The following FRMD4B variants were observed in gnomAD, a reference collection of about 807,000 sequenced individuals.
FRMD4B encodes FERM domain containing 4B.
Under a neutral mutation model 141.5 loss-of-function variants are expected in FRMD4B, and 74 were observed. The ratio of observed to expected loss-of-function variants is 0.52; its 90% CI spans 0.43 to 0.63. FRMD4B has a LOEUF of 0.63. Among genes scored for constraint, FRMD4B ranks in the 30% least tolerant of loss-of-function variants. FRMD4B has a pLI of 0.00. For synonymous variants in FRMD4B, 506 were observed against 467.9 expected, an observed-to-expected ratio of 1.08 and a Z score of -1.05; for missense variants, 1,366 against 1,253.4, an observed-to-expected ratio of 1.09 and a Z score of -1.36.
intron 1 of FRMD4B, among the ~76,000 whole-genome samples, chr3:69,520,214 T>C (rs1700833881): frequency 1.0e-5 from 1 of 97,948 alleles, no homozygotes. Context: ...GGAATATATA[T>C]ATATGATGGA....
intron 7 of FRMD4B, among the ~76,000 whole-genome samples, chr3:69,234,952 C>T (rs1373137964): frequency 6.6e-6 from 1 of 151,790 alleles, no homozygotes; most frequent in Admixed American, 6.6e-5. Context: ...AGTTCCAGAC[C>T]AGCCTGGCCA....
chr3:69,261,377 T>C (rs1036220400), intron 5 of FRMD4B, among the ~76,000 whole-genome samples: 32 of 152,220 alleles, frequency 2.1e-4, no homozygotes, highest in African/African-American at 7.2e-4. Context: ...CTGGACACAC[T>C]ATTATCTGAT....
At chr3:69,408,054 A>T (rs59228019) in intron 2 of FRMD4B, among the ~76,000 whole-genome samples, 386 of 152,320 alleles carry the variant, frequency 2.5e-3, no homozygotes, top group African/African-American at 9.0e-3. Flanking sequence ...GCAGTGGGAA[A>T]GCAGCCGAGA....
At chr3:69,397,692 G>A (rs1415112503) in intron 2 of FRMD4B, among the ~76,000 whole-genome samples, 1 of 152,152 alleles carries the variant, frequency 6.6e-6, no homozygotes, top group Non-Finnish European at 1.5e-5. Context: ...AATTAGATTA[G>A]TAGTTGCCTA....
chr3:69,296,804 T>C (rs1430688630), intron 4 of FRMD4B, among the ~76,000 whole-genome samples: 8 of 152,176 alleles, frequency 5.3e-5, no homozygotes, highest in Non-Finnish European at 1.2e-4. Flanking sequence ...CCTTTCTTCC[T>C]CTTATCGCTT....
chr3:69,472,595 T>G (rs374690255), intron 1 of FRMD4B: 11 of 200,602 alleles, frequency 5.5e-5, no homozygotes, highest in Admixed American at 1.8e-4. Context: ...CACCACAATG[T>G]AGCAGTGTCT....
At chr3:69,242,724 T>TCA (rs138289159) in intron 7 of FRMD4B, among the ~76,000 whole-genome samples, 4,888 of 148,978 alleles carry the variant, frequency 0.033, 289 homozygotes, top group African/African-American at 0.12. Context: ...GGCTCGTTGC[T>TCA]CACCTGTAAT....
intron 1 of FRMD4B, among the ~76,000 whole-genome samples, chr3:69,350,846 G>A (rs1258437682): frequency 1.5e-5 from 2 of 129,432 alleles, no homozygotes; most frequent in African/African-American, 2.9e-5. Flanking sequence ...AGGGGGGAGG[G>A]GGGAGGGATA....
rs1016103352 is a variant in FRMD4B, at chr3:69,321,185, G to A, written c.163-7668C>T. 3.9e-5 allele frequency among the ~76,000 whole-genome samples: 6 copies of A among 152,224 alleles called. No homozygotes were observed. In the South Asian group the frequency reaches 1.0e-3, roughly 26 times the overall value. On this transcript the variant is annotated intron_variant, in intron 1 of 22. Coordinates refer to ENST00000398540, the MANE Select transcript of FRMD4B (RefSeq NM_015123.3). ...GAGTGGGTTGGTAAGAAACCAAAAG[G>A]CAATTCAAGACAGGGCAGTATGGAA...
Position 69,169,128 on chromosome 3 carries a change from T to C in FRMD4B, c.*2733A>G, listed in dbSNP as rs1051874291. ...ATTATATCTGAGAGTGTTCGGCTAA[T>C]GGGCACGATTATGTTTTTGTTATGT... is the stretch of plus-strand genomic sequence containing the variant. On this transcript the variant is annotated 3_prime_UTR_variant, in exon 23 of 23. Transcript: ENST00000398540. 1.3e-5 allele frequency among the ~76,000 whole-genome samples: 2 copies of C among 152,138 alleles called. No homozygotes were observed. Among genetic ancestry groups the C allele is most frequent in the African/African-American group, 2.4e-5 (1 of 41,426 alleles).
At chr3:69,205,059 C>CAAAAAAAAAAAA (rs33955997) in intron 11 of FRMD4B, among the ~76,000 whole-genome samples, 10,975 of 122,798 alleles carry the variant, frequency 0.089, 577 homozygotes, top group East Asian at 0.25. Context: ...ATGTTTTTAA[C>CAAAAAAAAAAAA]AAAAAAAAAA....
At position 69,386,051 on chromosome 3, in the gene FRMD4B, C is replaced by G; in HGVS notation, c.-62G>C. The G allele has an allele frequency of 7.4e-7, 1 of 1,344,840 alleles. No homozygotes were observed. Among genetic ancestry groups the G allele is most frequent in the South Asian group, 1.8e-5 (1 of 55,522 alleles). 83.3% of individuals were successfully genotyped at this position (1,344,840 alleles called of 1,614,324 possible). Reference sequence around the variant, plus strand: ...CTCGTACGTGCAGCCCCGACCCCAGCGGCCTGCCCGCCTGGGCTCCCGACG... The same window carrying G: ...CTCGTACGTGCAGCCCCGACCCCAGGGGCCTGCCCGCCTGGGCTCCCGACG... On this transcript the variant is annotated 5_prime_UTR_variant, in exon 1 of 23. Coordinates refer to ENST00000398540, the MANE Select transcript of FRMD4B (RefSeq NM_015123.3).
chr3:69,224,815 G>T (rs2093234545), intron 7 of FRMD4B, 125 bp from the exon 8 acceptor site: 5 of 610,846 alleles, frequency 8.2e-6, no homozygotes, highest in Admixed American at 6.2e-5. Flanking sequence ...CATACACATG[G>T]TTATGGACTC....
At chr3:69,271,688 A>G (rs2093594929) in intron 5 of FRMD4B, among the ~76,000 whole-genome samples, 1 of 152,100 alleles carries the variant, frequency 6.6e-6, no homozygotes, top group South Asian at 2.1e-4. Context: ...AAATATAATA[A>G]TAGGCCAGGC....
intron 11 of FRMD4B, chr3:69,200,328 C>T: frequency 2.9e-6 from 2 of 696,580 alleles, no homozygotes; most frequent in Non-Finnish European, 3.5e-6. Flanking sequence ...ATAACACTCA[C>T]TCAGGTTCAC....
chr3:69,536,648 A>G, intron 1 of FRMD4B: 3 of 989,064 alleles, frequency 3.0e-6, no homozygotes, highest in Non-Finnish European at 4.7e-6. Flanking sequence ...CTGCTGTGGA[A>G]GTCGAGGAGA....
rs1301487866 is a variant in FRMD4B at position 69,386,002 on chromosome 3, G to T, written c.-13C>A. On this transcript the variant is annotated 5_prime_UTR_variant, in exon 1 of 23. Transcript: ENST00000398540. ...ACACCGAAGCCATGCCTCCTCCTTC[G>T]CTCTGAACCCGGGCGTCCCGGCTCT... 1.3e-6 allele frequency: 2 copies of T among 1,566,448 alleles called. No homozygotes were observed. The highest frequency in any genetic ancestry group is 1.2e-5 in the South Asian group (1 of 85,370).
chr3:69,535,883 G>T, intron 1 of FRMD4B: 1 of 432,692 alleles, frequency 2.3e-6, no homozygotes, highest in South Asian at 1.8e-5. Context: ...AGGAAGCAAT[G>T]CCATTCTTGA....
chr3:69,187,471 G>A (rs2092780668), intron 19 of FRMD4B, among the ~76,000 whole-genome samples: 1 of 150,142 alleles, frequency 6.7e-6, no homozygotes, highest in African/African-American at 2.4e-5. Flanking sequence ...CCCAGGAGGC[G>A]GACGTTGCGG....
Sources: allele counts gnomAD v4.1 joint callset (sites outside exome capture counted in the v4.1 genomes callset), GRCh38; gene constraint gnomAD v4.1.1; transcripts MANE v1.5; gene names NCBI Gene and HGNC (gene_info 2026-07-23, HGNC 2026-07-21).